The following STK3 variants were observed in gnomAD, a reference collection of about 807,000 sequenced individuals.
The protein encoded by STK3 is serine/threonine-protein kinase 3.
A neutral mutation model predicts 58.0 loss-of-function variants in STK3; 41 were observed. The ratio of observed to expected loss-of-function variants is 0.71; its 90% CI spans 0.55 to 0.92. The LOEUF is 0.92. Among genes scored for constraint, STK3 ranks in the 40% least tolerant of loss-of-function variants. The pLI is 0.00. For synonymous variants in STK3, 170 were observed against 191.0 expected, an observed-to-expected ratio of 0.89 and a Z score of 0.91; for missense variants, 479 against 602.7, an observed-to-expected ratio of 0.79 and a Z score of 2.15.
At chr8:98,353,349 G>A in the STK3 span, among the ~76,000 whole-genome samples, 2 of 152,076 alleles carry the variant, frequency 1.3e-5, no homozygotes, top group East Asian at 3.8e-4. Flanking sequence ...AAATTATCTG[G>A]GTGTGGTTGT....
At position 98,891,781 on chromosome 8, in the gene STK3, A is replaced by G. The variant is rs148910226; in HGVS notation, c.-78-7947T>C. On this transcript the variant is annotated intron_variant, in intron 1 of 1. Transcript: ENST00000519420. ...GCGGGAAGAATGGGATCTAGAGGGA[A>G]TAGAGATTGCATAAAAGTGAAACTT... Among the ~76,000 whole-genome samples, 1,056 of 152,302 alleles carry G rather than the reference A, an allele frequency of 6.9e-3. 20 individuals are homozygous for G. Among genetic ancestry groups the G allele is most frequent in the Non-Finnish European group, 8.9e-3 (607 of 68,018 alleles).
chr8:98,440,613 A>C (rs1208403377), intron 1 of STK3, among the ~76,000 whole-genome samples: 1 of 152,096 alleles, frequency 6.6e-6, no homozygotes, highest in African/African-American at 2.4e-5. Context: ...ACAGTGCAAA[A>C]AACTTACATA....
At chr8:98,769,986 C>G (rs1251789446) in intron 2 of STK3, among the ~76,000 whole-genome samples, 3 of 152,174 alleles carry the variant, frequency 2.0e-5, no homozygotes, top group South Asian at 4.1e-4. Context: ...GAATTCACAT[C>G]AGCACCAGGT....
rs192886095 is a variant in STK3, at chr8:98,421,477, A to T, written n.483+12650T>A. Among the ~76,000 whole-genome samples, 851 of 152,264 alleles carry T rather than the reference A, an allele frequency of 5.6e-3. 7 individuals carry two copies. The highest frequency in any genetic ancestry group is 0.02 in the African/African-American group (821 of 41,524). On this transcript the variant is annotated intron_variant and non_coding_transcript_variant, in intron 3 of 3. Transcript: ENST00000517832. ...TTTAAATTTAATCAAACTTCTCTTA[A>T]TTATTCCAACCTTGGGCCAGGTGCA...
At chr8:98,725,929 T>C (rs1313814800) in intron 4 of STK3, among the ~76,000 whole-genome samples, 1 of 152,158 alleles carries the variant, frequency 6.6e-6, no homozygotes, top group African/African-American at 2.4e-5. Context: ...AGTTACACAA[T>C]GTACCCAGGG....
intron 9 of STK3, among the ~76,000 whole-genome samples, chr8:98,529,141 G>A (rs1174149134): frequency 6.6e-6 from 1 of 152,148 alleles, no homozygotes; most frequent in African/African-American, 2.4e-5. Flanking sequence ...TAGTTGGGAC[G>A]AGCTTTAAGG....
In STK3 at chr8:98,428,823, G is replaced by A. The variant is rs773665267; in HGVS notation, n.483+5304C>T. 6.2e-7 allele frequency: 1 copy of A among 1,614,028 alleles called. No individual in the cohort carries two copies. Among genetic ancestry groups the A allele is most frequent in the East Asian group, 2.2e-5 (1 of 44,892 alleles). On this transcript the variant is annotated intron_variant and non_coding_transcript_variant, in intron 3 of 3. Coordinates refer to the STK3 transcript ENST00000517832. This position sits in a 1 kb window ranked among gnomAD's most constrained non-coding sequence, Gnocchi z 6.7. ...CACTCTGGTGGTGAACCTGGTGGTG[G>A]AGAGCACACCTACTTTAGCCAACTT...
intron 7 of STK3, among the ~76,000 whole-genome samples, chr8:98,583,492 T>A (rs907387315): frequency 4.1e-5 from 6 of 147,222 alleles, no homozygotes; most frequent in African/African-American, 7.4e-5. Flanking sequence ...AACAGCAGGG[T>A]TGGGGTGGGC....
At chr8:98,579,027 T>C (rs1340152390) in intron 8 of STK3, among the ~76,000 whole-genome samples, 1 of 152,080 alleles carries the variant, frequency 6.6e-6, no homozygotes, top group East Asian at 1.9e-4. Flanking sequence ...AGTGTGCGCC[T>C]GTAGTCCCAG....
At chr8:98,790,292 C>T (rs1214575540) in intron 1 of STK3, among the ~76,000 whole-genome samples, 1 of 152,156 alleles carries the variant, frequency 6.6e-6, no homozygotes, top group Non-Finnish European at 1.5e-5. Context: ...TACTAGCTAA[C>T]CAAATCCGAC....
At chr8:98,711,845 A>G (rs1302957522) in intron 4 of STK3, among the ~76,000 whole-genome samples, 2 of 152,202 alleles carry the variant, frequency 1.3e-5, no homozygotes, top group Non-Finnish European at 2.9e-5. Flanking sequence ...GATTCACCAA[A>G]GTTGAAATGA....
the STK3 span, among the ~76,000 whole-genome samples, chr8:98,354,599 G>A: frequency 6.6e-6 from 1 of 152,162 alleles, no homozygotes; most frequent in African/African-American, 2.4e-5. Context: ...GAGGTTTTCT[G>A]TTATATACAA....
intron 1 of STK3, among the ~76,000 whole-genome samples, chr8:98,776,712 T>A (rs913773736): frequency 6.6e-6 from 1 of 150,684 alleles, no homozygotes; most frequent in Non-Finnish European, 1.5e-5. Flanking sequence ...GTAACGATGA[T>A]GAACAAGGCA....
chr8:98,618,220 T>C (rs1431675257), intron 6 of STK3, among the ~76,000 whole-genome samples: 8 of 151,338 alleles, frequency 5.3e-5, no homozygotes, highest in African/African-American at 2.4e-5. Flanking sequence ...AACCACATGA[T>C]TATCTCAATA....
At chr8:98,373,701 C>A (rs781430872) in intron 2 of STK3, among the ~76,000 whole-genome samples, 1 of 152,116 alleles carries the variant, frequency 6.6e-6, no homozygotes, top group Non-Finnish European at 1.5e-5. Flanking sequence ...TTCCTTCTGC[C>A]CAAAGACACA....
In STK3 at chr8:98,471,980, T is replaced by A. The variant is rs141876458; in HGVS notation, c.1318-15980A>T. ...AAGAAGTATTCTTATATAGAGAGAT[T>A]CATATTGCTATAAATATGTACATAA... On this transcript the variant is annotated intron_variant, in intron 10 of 10. Coordinates refer to ENST00000419617, the MANE Select transcript of STK3 (RefSeq NM_006281.4). 2.0e-3 allele frequency among the ~76,000 whole-genome samples: 299 copies of A among 152,320 alleles called. 1 individual carries two copies. The highest frequency in any genetic ancestry group is 6.7e-3 in the African/African-American group (280 of 41,566).
the STK3 span, among the ~76,000 whole-genome samples, chr8:98,346,115 A>G: frequency 5.9e-5 from 9 of 152,020 alleles, no homozygotes; most frequent in East Asian, 1.9e-4. Context: ...GTGAAACCCC[A>G]TCTCCACAAA....
chr8:98,744,788 G>C (rs7838239), intron 4 of STK3, among the ~76,000 whole-genome samples: 45,932 of 151,658 alleles, frequency 0.3, 7,810 homozygotes, highest in Admixed American at 0.43. Context: ...ATCTCTGCTA[G>C]AACAGACAGA....
chr8:98,443,874 A>G (rs930761293), intron 1 of STK3, among the ~76,000 whole-genome samples: 2 of 152,252 alleles, frequency 1.3e-5, no homozygotes, highest in Non-Finnish European at 2.9e-5. Flanking sequence ...GAAGACATGC[A>G]TCATAAGAAA....
Sources: gnomAD v4.1 joint callset for allele counts (sites outside exome capture counted in the v4.1 genomes callset) on GRCh38, gnomAD v4.1.1 for gene constraint, Gnocchi (gnomAD v3.1) non-coding constraint, MANE v1.5 for transcripts, NCBI Gene and HGNC (gene_info 2026-07-23, HGNC 2026-07-21) for gene names.